Variants in RRM2 observed in about 807,000 individuals in gnomAD.
The protein encoded by RRM2 is ribonucleotide reductase regulatory subunit M2.
Under a neutral mutation model 45.9 loss-of-function variants are expected in RRM2, and 6 were observed. That is an observed-to-expected ratio of 0.13 (90% confidence interval 0.07 to 0.26). The LOEUF is 0.26. Ranked by LOEUF, RRM2 falls within the 10% of genes least tolerant of loss-of-function variation. RRM2 has a pLI of 1.00. For missense variants in RRM2, 343 were observed against 489.5 expected, an observed-to-expected ratio of 0.70 and a Z score of 2.82; for synonymous variants, 177 against 173.0, an observed-to-expected ratio of 1.02 and a Z score of -0.18.
At chr2:10,162,398 C>T (rs191895864) in intron 3 of RRM2, among the ~76,000 whole-genome samples, 1 of 152,244 alleles carries the variant, frequency 6.6e-6, no homozygotes, top group East Asian at 1.9e-4. Context: ...GCCCAGGAAT[C>T]AGAGACGGGG....
At position 10,200,833 on chromosome 2, in the gene RRM2, T is replaced by C. The variant is rs182605373; in HGVS notation, n.483-9478T>C. On this transcript the variant is annotated intron_variant and non_coding_transcript_variant, in intron 3 of 3. Transcript: ENST00000381786. The stretch of plus-strand genomic sequence containing the variant: ...TTGCTAAAACAACCAGTTCTTCCAA[T>C]TGTGTCCTGCCATAAAAGAAAACAG... Among the ~76,000 whole-genome samples, 230 of 152,280 alleles carry C rather than the reference T, an allele frequency of 1.5e-3. 3 individuals carry two copies. The highest frequency in any genetic ancestry group is 5.8e-3 in the South Asian group (28 of 4,822).
intron 3 of RRM2, among the ~76,000 whole-genome samples, chr2:10,149,310 G>A (rs1484016586): frequency 1.3e-5 from 2 of 152,064 alleles, no homozygotes; most frequent in Non-Finnish European, 2.9e-5. Context: ...GGTATTTTTA[G>A]TAGAGATGGT....
At chr2:10,141,642 G>C (rs1663080735) in intron 1 of RRM2, 3 of 632,152 alleles carry the variant, frequency 4.7e-6, no homozygotes, top group Admixed American at 6.0e-5. Flanking sequence ...ACGGAGGAGG[G>C]TATGATTAGC....
chr2:10,191,719 C>A (rs866757651), intron 3 of RRM2, among the ~76,000 whole-genome samples: 1 of 152,146 alleles, frequency 6.6e-6, no homozygotes, highest in Non-Finnish European at 1.5e-5. Flanking sequence ...CCAGGCTAAC[C>A]TGCGGGGTCT....
chr2:10,129,655 G>A lies in RRM2; in HGVS notation c.*269G>A, dbSNP rs1363006245. On this transcript the variant is annotated 3_prime_UTR_variant, in exon 10 of 10. Transcript: ENST00000304567. The surrounding 1 kb of genome is among the most constrained non-coding windows in gnomAD (Gnocchi z 4.8). ...TTAAAGTGAGGGGTGACCCTTTAGT[G>A]AGCTTAGCACAGCGGGATTAAACAG... is the stretch of plus-strand genomic sequence containing the variant. The A allele has an allele frequency of 2.2e-6, 1 of 455,434 alleles. No individual in the cohort carries two copies. The highest frequency in any genetic ancestry group is 3.9e-5 in the Admixed American group (1 of 25,594). The allele number at this position is 455,434 out of a possible 1,614,324, so 28.2% of individuals were successfully genotyped here.
intron 3 of RRM2, among the ~76,000 whole-genome samples, chr2:10,182,370 A>C (rs60070538): frequency 0.055 from 8,093 of 147,886 alleles, 222 homozygotes; most frequent in Middle Eastern, 0.096. Context: ...AACAAACAAA[A>C]AAAAACCCAA....
At chr2:10,162,648 C>T (rs1214659600) in intron 3 of RRM2, among the ~76,000 whole-genome samples, 1 of 152,032 alleles carries the variant, frequency 6.6e-6, no homozygotes, top group Non-Finnish European at 1.5e-5. Flanking sequence ...TAGAGTCAGG[C>T]CCAGGAAGAC....
At chr2:10,177,143 G>C (rs1663931614) in intron 3 of RRM2, among the ~76,000 whole-genome samples, 1 of 152,148 alleles carries the variant, frequency 6.6e-6, no homozygotes, top group Admixed American at 6.5e-5. Flanking sequence ...CTACTCTGGA[G>C]GTTGAGGTAG....
In RRM2 at chr2:10,173,227, A is replaced by G. The variant is rs748049732; in HGVS notation, n.482+30852A>G. Among the ~76,000 whole-genome samples, 15 of 152,284 alleles carry G rather than the reference A, an allele frequency of 9.9e-5. No homozygotes were observed. The South Asian group carries it at 1.5e-3, about 15-fold the overall frequency. On this transcript the variant is annotated intron_variant and non_coding_transcript_variant, in intron 3 of 3. Transcript: ENST00000381786. ...GCTTGGCCGGCATGGGTTCCATAGC[A>G]GGCACTCAGGGGTGTCGGCCACGAA...
chr2:10,150,386 G>A (rs895412637), intron 3 of RRM2, among the ~76,000 whole-genome samples: 1 of 150,670 alleles, frequency 6.6e-6, no homozygotes, highest in African/African-American at 2.4e-5. Flanking sequence ...GGTGGAAGTT[G>A]CAGTGAGCCG....
intron 5 of RRM2, among the ~76,000 whole-genome samples, chr2:10,126,220 T>C (rs890155069): frequency 2.8e-5 from 4 of 140,948 alleles, no homozygotes; most frequent in Non-Finnish European, 6.0e-5. Flanking sequence ...GCCCTTGGCT[T>C]CAGAACACAA....
At chr2:10,138,469 T>C (rs1275388505), upstream of RRM2, among the ~76,000 whole-genome samples, 2 of 151,858 alleles carry the variant, frequency 1.3e-5, no homozygotes, top group African/African-American at 4.8e-5. Flanking sequence ...GCCTGGCCAA[T>C]TTTTGTATTT....
At chr2:10,176,896 G>C (rs540134787) in intron 3 of RRM2, among the ~76,000 whole-genome samples, 2 of 152,278 alleles carry the variant, frequency 1.3e-5, no homozygotes, top group South Asian at 4.1e-4. Context: ...GGGTCATAGG[G>C]TAGGCAATTG....
At chr2:10,183,864 C>T (rs1327652838) in intron 3 of RRM2, among the ~76,000 whole-genome samples, 3 of 150,422 alleles carry the variant, frequency 2.0e-5, no homozygotes, top group African/African-American at 2.4e-5. Context: ...CCGAGGCGGG[C>T]GGATCATGAC....
At chr2:10,210,299 C>T in intron 3 of RRM2, 5 of 1,362,390 alleles carry the variant, frequency 3.7e-6, no homozygotes, top group Non-Finnish European at 4.9e-6. Flanking sequence ...TCTTTCTTTC[C>T]TGTCCAATCA....
chr2:10,156,126 A>C (rs1416129777), intron 3 of RRM2: 1 of 152,254 alleles, frequency 6.6e-6, no homozygotes, highest in Non-Finnish European at 1.5e-5. Context: ...CTTTTCAGTT[A>C]GCCTGTAAGG....
At chr2:10,158,847 G>A (rs937087348) in intron 3 of RRM2, among the ~76,000 whole-genome samples, 2 of 152,070 alleles carry the variant, frequency 1.3e-5, no homozygotes, top group African/African-American at 4.8e-5. Flanking sequence ...CCGGGAGCTC[G>A]GGGTTGGTCA....
chr2:10,205,972 C>T lies in RRM2; in HGVS notation n.483-4339C>T, dbSNP rs770838106. 1.3e-5 allele frequency among the ~76,000 whole-genome samples: 2 copies of T among 152,136 alleles called. No homozygotes were observed. Among genetic ancestry groups the T allele is most frequent in the Non-Finnish European group, 2.9e-5 (2 of 68,024 alleles). ...CTTCCCAAAGTTCTGGGATTACAGG[C>T]ATGAGCCACTGCGCCTGGCCAAGAG... is the stretch of plus-strand genomic sequence containing the variant. On this transcript the variant is annotated intron_variant and non_coding_transcript_variant, in intron 3 of 3. Transcript: ENST00000381786. The surrounding 1 kb of genome is among the most constrained non-coding windows in gnomAD (Gnocchi z 4.8).
intron 3 of RRM2, among the ~76,000 whole-genome samples, chr2:10,191,869 G>A (rs1664313544): frequency 6.6e-6 from 1 of 152,210 alleles, no homozygotes; most frequent in African/African-American, 2.4e-5. Context: ...GGCAGCAGGA[G>A]CAGCAAGGAC....
Sources: allele counts gnomAD v4.1 joint callset (sites outside exome capture counted in the v4.1 genomes callset), GRCh38; gene constraint gnomAD v4.1.1; non-coding constraint Gnocchi (gnomAD v3.1); transcripts MANE v1.5; gene names NCBI Gene and HGNC (gene_info 2026-07-23, HGNC 2026-07-21).